CDH4: variants seen among roughly 807,000 people sequenced by gnomAD.
CDH4 encodes the protein cadherin 4.
Under a neutral mutation model 86.0 loss-of-function variants are expected in CDH4, and 33 were observed. The observed-to-expected ratio is 0.38, with a 90% confidence interval of 0.29 to 0.51. The LOEUF (loss-of-function observed/expected upper bound fraction) is 0.51. Ranked by LOEUF, CDH4 falls within the 20% of genes least tolerant of loss-of-function variation. The pLI, the probability that CDH4 is intolerant of heterozygous loss-of-function variation, is 0.86. For synonymous variants in CDH4, 555 were observed against 549.4 expected (o/e 1.01, Z -0.14); for missense variants, 1,114 against 1,307.4 (o/e 0.85, Z 2.28).
chr20:61,918,867 T>C (rs1243670181), intron 9 of CDH4, among the ~76,000 whole-genome samples: 2 of 152,118 alleles, frequency 1.3e-5, no homozygotes, highest in East Asian at 3.9e-4. Context: ...CCAATACTAT[T>C]ATTTAGGCAA....
chr20:61,347,315 G>A (rs954187643), intron 2 of CDH4, among the ~76,000 whole-genome samples: 5 of 152,176 alleles, frequency 3.3e-5, no homozygotes, highest in South Asian at 2.1e-4. Context: ...GATGGCCAAC[G>A]TGGTTTTAGA....
intron 2 of CDH4, among the ~76,000 whole-genome samples, chr20:61,538,554 G>A (rs889341197): frequency 3.3e-5 from 5 of 152,234 alleles, no homozygotes; most frequent in Admixed American, 2.6e-4. Flanking sequence ...TTTAACATCC[G>A]CCTGTCCCTG....
chr20:61,870,446 T>C (rs2146143903), intron 6 of CDH4, among the ~76,000 whole-genome samples: 1 of 152,292 alleles, frequency 6.6e-6, no homozygotes, highest in East Asian at 1.9e-4. Context: ...GCTGTGCTGC[T>C]TTCAGTGAGT....
At position 61,932,951 on chromosome 20, in the gene CDH4, G is replaced by A. The variant is rs112618848; in HGVS notation, c.2240-34G>A. 2.3e-5 allele frequency: 37 copies of A among 1,603,900 alleles called. No homozygotes were observed. The African/African-American group carries it at 2.5e-4, about 11-fold the overall frequency. ...AGAGGCACACATGCGCACACCCGCA[G>A]CACACCCTGCTCACGGGCAGCCCTC... On this transcript the variant is annotated intron_variant, in intron 13 of 15. Coordinates refer to ENST00000614565, the MANE Select transcript of CDH4 (RefSeq NM_001794.5).
At chr20:61,715,275 T>A (rs138700781) in intron 2 of CDH4, among the ~76,000 whole-genome samples, 53 of 152,350 alleles carry the variant, frequency 3.5e-4, no homozygotes, top group African/African-American at 1.2e-3. Flanking sequence ...TTCTTGCTGA[T>A]TTGAGTTCTT....
chr20:61,674,757 C>A (rs759957082), intron 2 of CDH4, among the ~76,000 whole-genome samples: 4 of 152,188 alleles, frequency 2.6e-5, no homozygotes, highest in Non-Finnish European at 5.9e-5. Context: ...GACTGCAAAG[C>A]CTTATGTGTA....
In CDH4 at chr20:61,510,508, C is replaced by T. The variant is rs114715422; in HGVS notation, c.170-233055C>T. 3.3e-3 allele frequency among the ~76,000 whole-genome samples: 497 copies of T among 152,306 alleles called. 1 individual carries two copies. Among genetic ancestry groups the T allele is most frequent in the African/African-American group, 0.011 (467 of 41,564 alleles). On this transcript the variant is annotated intron_variant, in intron 2 of 15. Transcript: ENST00000614565. The surrounding 1 kb of genome is among the most constrained non-coding windows in gnomAD (Gnocchi z 4.2). ...TGGCATCCCATAAAGAAGAGAGATTCGTTCCACATAAAATGCAACCACTGT... is the reference window on the plus strand; with the variant it reads ...TGGCATCCCATAAAGAAGAGAGATTTGTTCCACATAAAATGCAACCACTGT...
At chr20:61,511,922 A>G (rs2085783194) in intron 2 of CDH4, among the ~76,000 whole-genome samples, 1 of 152,238 alleles carries the variant, frequency 6.6e-6, no homozygotes, top group South Asian at 2.1e-4. Context: ...CATTCCTGAT[A>G]AGATCCCTAT....
intron 2 of CDH4, among the ~76,000 whole-genome samples, chr20:61,508,119 G>A (rs1006285949): frequency 3.3e-5 from 5 of 152,144 alleles, no homozygotes; most frequent in South Asian, 4.1e-4. Flanking sequence ...CATGCTTCCC[G>A]TGTCCCTAAA....
chr20:61,590,478 A>G (rs2086510413), intron 2 of CDH4, among the ~76,000 whole-genome samples: 1 of 152,208 alleles, frequency 6.6e-6, no homozygotes, highest in Non-Finnish European at 1.5e-5. Flanking sequence ...CCCAGCACCC[A>G]TGGCTGACTC....
rs535694462 is a variant in CDH4, at chr20:61,927,353, C to T, written c.1772-837C>T. ...GGCAAGGACTGAGCATGTGAAGACC[C>T]CAGGGACAGGGATGGCCCCTGAGGA... On this transcript the variant is annotated intron_variant, in intron 11 of 15. Transcript: ENST00000614565. Among the ~76,000 whole-genome samples the T allele has an allele frequency of 2.6e-5, 4 of 152,250 alleles. No individual in the cohort carries two copies. In the South Asian group the frequency reaches 8.3e-4, roughly 32 times the overall value.
In CDH4 at chr20:61,383,353, A is replaced by G. The variant is rs1401785651; in HGVS notation, c.169+128416A>G. On this transcript the variant is annotated intron_variant, in intron 2 of 15. Transcript: ENST00000614565. ...GAATATATGTGATATATATGAATAT[A>G]TATGGATATATATGAATATATATGG... is the stretch of plus-strand genomic sequence containing the variant. Among the ~76,000 whole-genome samples, 4 of 81,090 alleles carry G rather than the reference A, an allele frequency of 4.9e-5. 1 individual carries two copies. Among genetic ancestry groups the G allele is most frequent in the African/African-American group, 3.0e-4 (4 of 13,370 alleles). The allele number at this position is 81,090 out of a possible 152,430, so 53.2% of individuals were successfully genotyped here.
At chr20:61,872,731 C>T (rs747236234) in intron 6 of CDH4, among the ~76,000 whole-genome samples, 12 of 152,232 alleles carry the variant, frequency 7.9e-5, no homozygotes, top group Non-Finnish European at 1.0e-4. Flanking sequence ...CGGAAGGTGG[C>T]GGGCAGAGTC....
At chr20:61,356,378 AG>A (rs1349535116) in intron 2 of CDH4, among the ~76,000 whole-genome samples, 1 of 152,154 alleles carries the variant, frequency 6.6e-6, no homozygotes, top group Non-Finnish European at 1.5e-5. Context: ...CAGGTAAACA[AG>A]GGTTTAGGCA....
chr20:61,686,274 C>T (rs1294311769), intron 2 of CDH4, among the ~76,000 whole-genome samples: 4 of 152,244 alleles, frequency 2.6e-5, no homozygotes, highest in South Asian at 2.1e-4. Flanking sequence ...TCCACATCTG[C>T]GTGGCTGGGA....
intron 2 of CDH4, among the ~76,000 whole-genome samples, chr20:61,577,426 A>G (rs1367816544): frequency 6.6e-6 from 1 of 152,202 alleles, no homozygotes; most frequent in African/African-American, 2.4e-5. Context: ...GTGTTGAAGG[A>G]TGAGTGGATG....
At chr20:61,926,988 GC>G (rs11403849) in intron 11 of CDH4, among the ~76,000 whole-genome samples, 3 of 152,088 alleles carry the variant, frequency 2.0e-5, no homozygotes, top group East Asian at 3.9e-4. Flanking sequence ...TGGAGCAGGA[GC>G]CCCCCGGTTA....
At chr20:61,469,690 G>C (rs917230404) in intron 2 of CDH4, among the ~76,000 whole-genome samples, 1 of 152,144 alleles carries the variant, frequency 6.6e-6, no homozygotes, top group Non-Finnish European at 1.5e-5. Flanking sequence ...TTCATGGTTT[G>C]AGGTCTTAGA....
chr20:61,536,736 G>A (rs1004392335), intron 2 of CDH4, among the ~76,000 whole-genome samples: 8 of 152,228 alleles, frequency 5.3e-5, no homozygotes, highest in Non-Finnish European at 1.2e-4. Context: ...TCTAGAGACA[G>A]CTTCGGTTGC....
Sources: gnomAD v4.1 joint callset for allele counts (sites outside exome capture counted in the v4.1 genomes callset) on GRCh38, gnomAD v4.1.1 for gene constraint, Gnocchi (gnomAD v3.1) non-coding constraint, MANE v1.5 for transcripts, NCBI Gene and HGNC (gene_info 2026-07-23, HGNC 2026-07-21) for gene names.